NRG2: variants seen among roughly 807,000 people sequenced by gnomAD.
NRG2 encodes the protein neuregulin 2.
Under a neutral mutation model 73.9 loss-of-function variants are expected in NRG2, and 27 were observed. The ratio of observed to expected loss-of-function variants is 0.37; its 90% CI spans 0.27 to 0.50. The LOEUF is 0.50. NRG2 is among the 20% of genes least tolerant of loss of function. The pLI is 0.96. For missense variants in NRG2, 1,126 were observed against 1,210.1 expected, an observed-to-expected ratio of 0.93 and a Z score of 1.03; for synonymous variants, 532 against 541.0, an observed-to-expected ratio of 0.98 and a Z score of 0.23.
chr5:139,883,070 G>T (rs1218072721), intron 2 of NRG2, among the ~76,000 whole-genome samples: 1 of 152,006 alleles, frequency 6.6e-6, no homozygotes, highest in Admixed American at 6.6e-5. Context: ...GCCCCTGCAG[G>T]AACTGGAGTC....
intron 6 of NRG2, 62 bp downstream of exon 6, chr5:139,855,614 C>T: frequency 7.2e-7 from 1 of 1,379,420 alleles, no homozygotes; most frequent in Non-Finnish European, 1.0e-6. Context: ...CTTCTTCACA[C>T]ACATTCTTGG....
chr5:139,950,397 G>T (rs1484710553), intron 1 of NRG2, among the ~76,000 whole-genome samples: 1 of 152,198 alleles, frequency 6.6e-6, no homozygotes, highest in African/African-American at 2.4e-5. Flanking sequence ...AGAACATTTA[G>T]CTTCTTTCAA....
In NRG2 at chr5:139,851,732, G is replaced by A; in HGVS notation, c.1644C>T (p.Asn548=). Residue 548 remains asparagine, a synonymous_variant, in exon 9 of 10, where the codon AAC becomes AAT. Coordinates refer to ENST00000361474, the MANE Select transcript of NRG2 (RefSeq NM_004883.3). This position sits in a 1 kb window ranked among gnomAD's most constrained non-coding sequence, Gnocchi z 4.2. The part of the protein sequence containing the change: ...MLSSVGTSKC[N]SPACVEARAR... ...CCCGGGCCTCCACACATGCTGGGCT[G>A]TTGCATTTGCTGGTACCCACTGATG... is the stretch of plus-strand genomic sequence containing the variant. 2 of 1,614,252 alleles carry A rather than the reference G, an allele frequency of 1.2e-6. No individual in the cohort carries two copies. The highest frequency in any genetic ancestry group is 2.2e-5 in the South Asian group (2 of 91,088).
At position 139,848,710 on chromosome 5, in the gene NRG2, G is replaced by A; in HGVS notation, c.1773-13C>T. On this transcript the variant is annotated splice_polypyrimidine_tract_variant and intron_variant, in intron 9 of 9. Transcript: ENST00000361474. Reference sequence around the variant, plus strand: ...GGCCGACACGTACCTGCGGGGAGAGGCAGAGGCATGGGCCAGGGCCAGGCC... The same window carrying A: ...GGCCGACACGTACCTGCGGGGAGAGACAGAGGCATGGGCCAGGGCCAGGCC... The A allele has an allele frequency of 6.8e-7, 1 of 1,477,108 alleles. No individual in the cohort carries two copies. The highest frequency in any genetic ancestry group is 8.9e-7 in the Non-Finnish European group (1 of 1,118,394). 91.5% of individuals were successfully genotyped at this position (1,477,108 alleles called of 1,614,324 possible).
rs568449670 is a variant in NRG2, at chr5:139,938,080, G to A, written c.701-50569C>T. On this transcript the variant is annotated intron_variant, in intron 1 of 9. Transcript: ENST00000361474. ...GAGGACAGAGTGACACCTTGTCTAC[G>A]AAAAAATAATAATAACAAAACTATG... Among the ~76,000 whole-genome samples, 4 of 151,952 alleles carry A rather than the reference G, an allele frequency of 2.6e-5. No homozygotes were observed. The East Asian group carries it at 5.8e-4, about 22-fold the overall frequency.
In NRG2 at chr5:139,867,021, T is replaced by A. The variant is rs535019898; in HGVS notation, c.1113-1396A>T. Reference sequence around the variant, plus strand: ...GGAAATTAGCTAAGTTCATCACCAGTGTCCCCCTCAATAATAGGCTACTGT... The same window carrying A: ...GGAAATTAGCTAAGTTCATCACCAGAGTCCCCCTCAATAATAGGCTACTGT... On this transcript the variant is annotated intron_variant, in intron 4 of 9. Coordinates refer to ENST00000361474, the MANE Select transcript of NRG2 (RefSeq NM_004883.3). Among the ~76,000 whole-genome samples, 4 of 152,336 alleles carry A rather than the reference T, an allele frequency of 2.6e-5. No homozygotes were observed. In the South Asian group the frequency reaches 8.3e-4, roughly 32 times the overall value.
chr5:139,871,583 G>A lies in NRG2; in HGVS notation c.1112+138C>T, dbSNP rs945767584. 6 of 1,107,800 alleles carry A rather than the reference G, an allele frequency of 5.4e-6. No individual in the cohort carries two copies. In the Admixed American group the frequency reaches 1.1e-4, roughly 21 times the overall value. 68.6% of individuals were successfully genotyped at this position (1,107,800 alleles called of 1,614,324 possible). On this transcript the variant is annotated intron_variant, in intron 4 of 9. Transcript: ENST00000361474. ...TATTCCAGGAAAGGGCTAGGAAGTA[G>A]GGCAAAGCTTCCTGTCTACACCCCT...
rs142618256 is a variant in NRG2 at position 140,008,109 on chromosome 5, G to A, written c.700+34261C>T. 1.5e-3 allele frequency among the ~76,000 whole-genome samples: 236 copies of A among 152,350 alleles called. 1 individual carries two copies. Among genetic ancestry groups the A allele is most frequent in the African/African-American group, 5.5e-3 (230 of 41,584 alleles). ...GATGTGGGGAGCACCACACAGGAAT[G>A]TGTTCCCATGGGCAGCCTGACATCT... On this transcript the variant is annotated intron_variant, in intron 1 of 9. Coordinates refer to ENST00000361474, the MANE Select transcript of NRG2 (RefSeq NM_004883.3). This position sits in a 1 kb window ranked among gnomAD's most constrained non-coding sequence, Gnocchi z 4.2.
intron 1 of NRG2, among the ~76,000 whole-genome samples, chr5:140,022,665 GT>G (rs1431051950): frequency 6.6e-6 from 1 of 151,998 alleles, no homozygotes; most frequent in Admixed American, 6.6e-5. Context: ...TTATACTTGA[GT>G]TTTCCCCTTT....
intron 1 of NRG2, among the ~76,000 whole-genome samples, chr5:139,905,283 C>T (rs1765157856): frequency 6.6e-6 from 1 of 152,192 alleles, no homozygotes; most frequent in Non-Finnish European, 1.5e-5. Flanking sequence ...CTCCCTCCTG[C>T]CTGGGTGTGG....
chr5:140,016,136 G>C (rs1201943066), intron 1 of NRG2, among the ~76,000 whole-genome samples: 3 of 152,166 alleles, frequency 2.0e-5, no homozygotes, highest in Non-Finnish European at 2.9e-5. Context: ...CCTGACTCCA[G>C]AGCCCTGCTT....
chr5:139,872,048 T>G (rs1453269265), intron 3 of NRG2, among the ~76,000 whole-genome samples: 1 of 152,170 alleles, frequency 6.6e-6, no homozygotes, highest in African/African-American at 2.4e-5. Context: ...CAGTGCAACC[T>G]TGCACCCAAG....
intron 1 of NRG2, among the ~76,000 whole-genome samples, chr5:140,029,871 G>C (rs1047109919): frequency 1.3e-5 from 2 of 152,036 alleles, no homozygotes; most frequent in African/African-American, 4.8e-5. Flanking sequence ...AGGGAGAGGG[G>C]AAAGAGGTGT....
chr5:139,863,962 C>T (rs1007905529), intron 5 of NRG2, among the ~76,000 whole-genome samples: 1 of 152,166 alleles, frequency 6.6e-6, no homozygotes, highest in Non-Finnish European at 1.5e-5. Context: ...CATTTCTCCA[C>T]CCTGAGACCT....
intron 1 of NRG2, among the ~76,000 whole-genome samples, chr5:139,936,893 C>G (rs546608735): frequency 6.6e-6 from 1 of 152,354 alleles, no homozygotes; most frequent in Admixed American, 6.5e-5. Context: ...CCTCCGCCTT[C>G]TAGGTTCATG....
chr5:139,967,910 G>C (rs1755660780), intron 1 of NRG2, among the ~76,000 whole-genome samples: 1 of 151,934 alleles, frequency 6.6e-6, no homozygotes, highest in Non-Finnish European at 1.5e-5. Context: ...AGTGAGCTGA[G>C]ATCGCACCAC....
intron 1 of NRG2, among the ~76,000 whole-genome samples, chr5:139,965,941 T>C (rs371784936): frequency 1.1e-4 from 16 of 152,290 alleles, no homozygotes; most frequent in African/African-American, 3.9e-4. Flanking sequence ...TATCAGCCTA[T>C]TCATTTTCTT....
chr5:139,884,586 T>C (rs1344385890), intron 2 of NRG2, among the ~76,000 whole-genome samples: 2 of 152,218 alleles, frequency 1.3e-5, no homozygotes, highest in Non-Finnish European at 2.9e-5. Context: ...TGGGGGTCAG[T>C]GACTCTGTGG....
Position 140,042,718 on chromosome 5 carries a change from T to G in NRG2, c.352A>C (p.Lys118Gln), listed in dbSNP as rs1386755069. Residue 118 changes from lysine to glutamine, a missense_variant, in exon 1 of 10, where the codon AAG becomes CAG. Transcript: ENST00000361474. ...TTGTACGCCTGGTCCTGCACTGACT[T>G]GAGGCTGGGCGAGTAGCAGGCGAGC... ...VSLACYSPSL[K>Q]SVQDQAYKAP... 1 of 1,571,652 alleles carries G rather than the reference T, an allele frequency of 6.4e-7. No homozygotes were observed. Among genetic ancestry groups the G allele is most frequent in the Non-Finnish European group, 8.6e-7 (1 of 1,159,116 alleles).
Sources: allele counts gnomAD v4.1 joint callset (sites outside exome capture counted in the v4.1 genomes callset), GRCh38; gene constraint gnomAD v4.1.1; non-coding constraint Gnocchi (gnomAD v3.1); transcripts MANE v1.5; gene names NCBI Gene and HGNC (gene_info 2026-07-23, HGNC 2026-07-21).